The following ZNF324B variants were observed in gnomAD, a reference collection of about 807,000 sequenced individuals.
ZNF324B encodes zinc finger protein 324B.
Under a neutral mutation model 10.6 loss-of-function variants are expected in ZNF324B, and 7 were observed. That is an observed-to-expected ratio of 0.66 (90% confidence interval 0.38 to 1.24). ZNF324B has a LOEUF of 1.24. Ranked by LOEUF, ZNF324B falls within the 50% of genes most tolerant of loss-of-function variation. The probability of loss-of-function intolerance (pLI) is 0.02; values close to 1 mark genes in which losing one functional copy is unlikely to be tolerated. For missense variants in ZNF324B, 640 were observed against 764.7 expected (o/e 0.84, Z 1.92); for synonymous variants, 316 against 321.0 (o/e 0.98, Z 0.17).
the ZNF324B span, chr19:58,434,976 GTTTGCA>G: frequency 1.9e-6 from 3 of 1,614,066 alleles, no homozygotes. Flanking sequence ...GCTGGTGAAG[GTTTGCA>G]TTCAACCAAA....
chr19:58,451,299 A>G (rs1208799398), upstream of ZNF324B, among the ~76,000 whole-genome samples: 1 of 152,172 alleles, frequency 6.6e-6, no homozygotes, highest in Non-Finnish European at 1.5e-5. Flanking sequence ...GAACCTCCGC[A>G]GTTTCTGCTT....
chr19:58,434,730 G>A, the ZNF324B span: 2 of 1,614,194 alleles, frequency 1.2e-6, no homozygotes, highest in Non-Finnish European at 1.7e-6. Flanking sequence ...CACAGTTGCT[G>A]CACTCGAAGA....
intron 2 of ZNF324B, 133 bp downstream of exon 2, chr19:58,453,955 C>CA (rs1402595444): frequency 6.5e-6 from 9 of 1,384,124 alleles, no homozygotes; most frequent in Non-Finnish European, 8.7e-6. Flanking sequence ...CCTGTAGACA[C>CA]AAAGTTTGGT....
the ZNF324B span, chr19:58,434,083 G>T: frequency 1.2e-6 from 2 of 1,614,112 alleles, no homozygotes; most frequent in Non-Finnish European, 1.7e-6. Flanking sequence ...CCGTTCTCCG[G>T]TGTGAACTTT....
the ZNF324B span, chr19:58,437,316 G>C: frequency 7.5e-7 from 1 of 1,327,974 alleles, no homozygotes; most frequent in Non-Finnish European, 1.0e-6. Flanking sequence ...TTTTTCTTAT[G>C]ATCCTCTCAG....
Position 58,456,018 on chromosome 19 carries a change from G to C in ZNF324B, c.1074G>C (p.Gln358His). Residue 358 changes from glutamine to histidine, a missense_variant, in exon 4 of 4, where the codon CAG becomes CAC. By Grantham distance (24) the Gln-to-His change is conservative. This residue lies in a region of ZNF324B where 57 missense variants were observed against 118.8 expected (regional missense o/e 0.48). Transcript: ENST00000336614. The surrounding 1 kb of genome is among the most constrained non-coding windows in gnomAD (Gnocchi z 4.7). The stretch of plus-strand genomic sequence containing the variant: ...TCAGCCACGGCTCCAACCTCAGCCA[G>C]CACCGCAAGATCCACGCGGGTGGGC... Reference protein sequence around the residue: ...KAFSHGSNLSQHRKIHAGGRP... With the variant: ...KAFSHGSNLSHHRKIHAGGRP... 1 of 1,599,584 alleles carries C rather than the reference G, an allele frequency of 6.3e-7. No individual in the cohort carries two copies. The highest frequency in any genetic ancestry group is 8.5e-7 in the Non-Finnish European group (1 of 1,171,754).
the ZNF324B span, chr19:58,445,286 G>A: frequency 4.7e-6 from 2 of 422,842 alleles, no homozygotes; most frequent in Non-Finnish European, 9.2e-6. Context: ...ATCCTATTTA[G>A]CACCAGCAAT....
At chr19:58,432,336 A>G in the ZNF324B span, 1 of 517,332 alleles carries the variant, frequency 1.9e-6, no homozygotes, top group South Asian at 1.4e-5. Flanking sequence ...TGGCAAATAC[A>G]AAGGTCTGTA....
At position 58,455,892 on chromosome 19, in the gene ZNF324B, C is replaced by T. The variant is rs1484292957; in HGVS notation, c.948C>T (p.Pro316=). Reference sequence around the variant, plus strand: ...GCGGCGAGACGCCCTACGCGTGCCCCGTGTGCGGCAAGGCCTTCCGGCATA... The same window carrying T: ...GCGGCGAGACGCCCTACGCGTGCCCTGTGTGCGGCAAGGCCTTCCGGCATA... ...IHSGETPYAC[P]VCGKAFRHSS... is the part of the protein sequence containing the mutation. The change falls in exon 4 of 4, where the codon CCC becomes CCT. Residue 316 remains proline, a synonymous_variant. Coordinates refer to ENST00000336614, the MANE Select transcript of ZNF324B (RefSeq NM_207395.3). The surrounding 1 kb of genome is among the most constrained non-coding windows in gnomAD (Gnocchi z 7.0). 9 of 1,606,780 alleles carry T rather than the reference C, an allele frequency of 5.6e-6. No homozygotes were observed. The African/African-American group carries it at 8.0e-5, about 14-fold the overall frequency.
At chr19:58,454,530 C>T (rs1455453178) in intron 3 of ZNF324B, 186 bp downstream of exon 3, 11 of 595,760 alleles carry the variant, frequency 1.8e-5, no homozygotes, top group Non-Finnish European at 3.0e-5. Flanking sequence ...GCTCCAAGGG[C>T]ACAGGAGCTG....
chr19:58,455,430 G>C lies in ZNF324B; in HGVS notation c.486G>C (p.Leu162=). ...ACCAGGCCAGCATCAGCCTGCGACT[G>C]ACCTCCCCACTCAGGCCCCCCAAGA... The part of the protein sequence containing the change: ...RSDQASISLR[L]TSPLRPPKSS... The change falls in exon 4 of 4, where the codon CTG becomes CTC. Residue 162 remains leucine (L), a synonymous_variant. Transcript: ENST00000336614. The surrounding 1 kb of genome is among the most constrained non-coding windows in gnomAD (Gnocchi z 7.0). 2 of 1,614,184 alleles carry C rather than the reference G, an allele frequency of 1.2e-6. No homozygotes were observed. Among genetic ancestry groups the C allele is most frequent in the Non-Finnish European group, 1.7e-6 (2 of 1,180,012 alleles).
At chr19:58,436,822 G>C in the ZNF324B span, 1 of 674,944 alleles carries the variant, frequency 1.5e-6, no homozygotes, top group Non-Finnish European at 2.7e-6. Flanking sequence ...CCCAACCTTT[G>C]CCTCCACAAG....
At chr19:58,451,202 C>T (rs1322303297), upstream of ZNF324B, among the ~76,000 whole-genome samples, 1 of 152,156 alleles carries the variant, frequency 6.6e-6, no homozygotes, top group East Asian at 1.9e-4. Context: ...GAAGGGAACC[C>T]GGAGCTCCAG....
rs1243934490 is a variant in ZNF324B at position 58,456,214 on chromosome 19, C to T, written c.1270C>T (p.Pro424Ser). ...LHQRVHTGEK[P>S]FACAQCGRSF... Reference sequence around the variant, plus strand: ...CCAGCGCGTGCACACAGGCGAGAAGCCCTTCGCCTGCGCCCAGTGCGGCCG... The same window carrying T: ...CCAGCGCGTGCACACAGGCGAGAAGTCCTTCGCCTGCGCCCAGTGCGGCCG... The change falls in exon 4 of 4, where the codon CCC becomes TCC. Residue 424 changes from proline to serine, a missense_variant. Transcript: ENST00000336614. The surrounding 1 kb of genome is among the most constrained non-coding windows in gnomAD (Gnocchi z 4.7). 5 of 1,613,166 alleles carry T rather than the reference C, an allele frequency of 3.1e-6. No individual in the cohort carries two copies. The highest frequency in any genetic ancestry group is 3.3e-4 in the Middle Eastern group (2 of 6,058).
the ZNF324B span, among the ~76,000 whole-genome samples, chr19:58,446,127 T>G: frequency 6.6e-6 from 1 of 152,068 alleles, no homozygotes; most frequent in Non-Finnish European, 1.5e-5. Context: ...AGAGTGAAAC[T>G]CCATCTCAAA....
chr19:58,446,573 CTTT>C, the ZNF324B span, among the ~76,000 whole-genome samples: 3 of 102,504 alleles, frequency 2.9e-5, no homozygotes, highest in African/African-American at 9.5e-5. Context: ...ATTTCTTTCT[CTTT>C]TTTTTTTTTT....
the ZNF324B span, among the ~76,000 whole-genome samples, chr19:58,431,614 G>A: frequency 6.6e-6 from 1 of 152,146 alleles, no homozygotes; most frequent in South Asian, 2.1e-4. Flanking sequence ...GCTCTCATGA[G>A]TACTTCCTTG....
At chr19:58,439,861 C>T in the ZNF324B span, 60 of 1,528,382 alleles carry the variant, frequency 3.9e-5, no homozygotes, top group Non-Finnish European at 4.8e-5. Flanking sequence ...TGGGCCGAAC[C>T]CTCACACTTC....
chr19:58,425,436 C>T, the ZNF324B span, among the ~76,000 whole-genome samples: 1 of 150,964 alleles, frequency 6.6e-6, no homozygotes, highest in Non-Finnish European at 1.5e-5. Flanking sequence ...TTCCTTCCTT[C>T]CTTCCTGTCT....
Sources: allele counts gnomAD v4.1 joint callset (sites outside exome capture counted in the v4.1 genomes callset), GRCh38; gene constraint gnomAD v4.1.1; regional missense constraint gnomAD v4.1.1; non-coding constraint Gnocchi (gnomAD v3.1); transcripts MANE v1.5; gene names NCBI Gene and HGNC (gene_info 2026-07-23, HGNC 2026-07-21).